The following RALYL variants were observed in gnomAD, a reference collection of about 807,000 sequenced individuals.
RALYL encodes the protein RALY RNA binding protein like, also known as RNA-binding Raly-like protein.
Under a neutral mutation model 35.1 loss-of-function variants are expected in RALYL, and 29 were observed. That is an observed-to-expected ratio of 0.83 (90% CI 0.61 to 1.13). The LOEUF is 1.13. Among genes scored for constraint, RALYL ranks in the 50% most tolerant of loss-of-function variants. The pLI is 0.00. For synonymous variants in RALYL, 120 were observed against 127.6 expected (o/e 0.94, Z 0.40); for missense variants, 359 against 360.4 (o/e 1.00, Z 0.03).
chr8:84,842,815 T>C (rs1833731330), intron 4 of RALYL, among the ~76,000 whole-genome samples: 1 of 152,218 alleles, frequency 6.6e-6, no homozygotes, highest in East Asian at 1.9e-4. Context: ...TGGTTCAACA[T>C]AAGCAAATCA....
At chr8:84,744,035 A>G (rs970366814) in intron 2 of RALYL, among the ~76,000 whole-genome samples, 1 of 152,022 alleles carries the variant, frequency 6.6e-6, no homozygotes, top group Non-Finnish European at 1.5e-5. Context: ...TTGCACAGCA[A>G]TGTGTATCCA....
intron 1 of RALYL, among the ~76,000 whole-genome samples, chr8:84,301,315 AT>A (rs1428565207): frequency 2.0e-5 from 3 of 151,148 alleles, no homozygotes; most frequent in Middle Eastern, 3.2e-3. Context: ...CTTAAAAAAA[AT>A]TTTTTTTTAC....
intron 1 of RALYL, among the ~76,000 whole-genome samples, chr8:84,223,195 C>G (rs867800859): frequency 4.0e-5 from 4 of 99,426 alleles, no homozygotes; most frequent in Non-Finnish European, 6.1e-5. Flanking sequence ...CTTCCCTTCC[C>G]TTCCCTTCCA....
At chr8:84,879,980 A>T (rs1233841087) in intron 7 of RALYL, among the ~76,000 whole-genome samples, 1 of 152,110 alleles carries the variant, frequency 6.6e-6, no homozygotes, top group African/African-American at 2.4e-5. Flanking sequence ...AATTTTTTGA[A>T]TTCTAGAATG....
Position 84,450,824 on chromosome 8 carries a change from T to A in RALYL, c.-23-78475T>A, listed in dbSNP as rs187105890. Among the ~76,000 whole-genome samples, 62 of 152,108 alleles carry A rather than the reference T, an allele frequency of 4.1e-4. 1 individual carries two copies. Among genetic ancestry groups the A allele is most frequent in the Middle Eastern group, 3.4e-3 (1 of 294 alleles). On this transcript the variant is annotated intron_variant, in intron 1 of 8. Coordinates refer to ENST00000521268, the MANE Select transcript of RALYL (RefSeq NM_173848.7). ...AAAGGGGTGAAATTTTCAAAAAGAT[T>A]CCATCAAATTACTCAATATAACAGT...
At chr8:84,791,789 TA>T (rs1054271905) in intron 3 of RALYL, among the ~76,000 whole-genome samples, 4 of 151,496 alleles carry the variant, frequency 2.6e-5, no homozygotes, top group South Asian at 2.1e-4. Context: ...TTTATTAACT[TA>T]AAAAAAAACA....
chr8:84,226,718 G>A (rs1823970553), intron 1 of RALYL, among the ~76,000 whole-genome samples: 1 of 152,182 alleles, frequency 6.6e-6, no homozygotes, highest in Admixed American at 6.5e-5. Flanking sequence ...CAGTAGTAGA[G>A]TGTGTTTGAA....
intron 2 of RALYL, among the ~76,000 whole-genome samples, chr8:84,633,937 G>T (rs1824477341): frequency 6.6e-6 from 1 of 151,754 alleles, no homozygotes. Context: ...CGAAATTACA[G>T]GTTTGTACCT....
chr8:84,507,419 A>G (rs2057266685), intron 1 of RALYL, among the ~76,000 whole-genome samples: 1 of 152,108 alleles, frequency 6.6e-6, no homozygotes, highest in Non-Finnish European at 1.5e-5. Context: ...AAAGTAAGAC[A>G]ACGCCCAGAA....
Position 84,446,520 on chromosome 8 carries a change from G to A in RALYL, c.-23-82779G>A, listed in dbSNP as rs117463505. ...GCTGTCTCATGGACCATCTGTATGG[G>A]ATTGGGCAAGTCATGTTTCTTCCTG... On this transcript the variant is annotated intron_variant, in intron 1 of 8. Transcript: ENST00000521268. Among the ~76,000 whole-genome samples, 979 of 152,168 alleles carry A rather than the reference G, an allele frequency of 6.4e-3. 1 individual carries two copies. The highest frequency in any genetic ancestry group is 0.012 in the Non-Finnish European group (826 of 67,990).
At chr8:84,452,282 T>G (rs1042846353) in intron 1 of RALYL, among the ~76,000 whole-genome samples, 1 of 149,710 alleles carries the variant, frequency 6.7e-6, no homozygotes, top group Non-Finnish European at 1.5e-5. Flanking sequence ...CACAAAGTTA[T>G]GTGCTGTCAG....
intron 4 of RALYL, among the ~76,000 whole-genome samples, chr8:84,843,512 G>A (rs1180898396): frequency 6.6e-6 from 1 of 152,160 alleles, no homozygotes; most frequent in African/African-American, 2.4e-5. Flanking sequence ...TGGGTAGGAA[G>A]AATCAATATC....
chr8:84,233,707 T>C (rs1825870582), intron 1 of RALYL, among the ~76,000 whole-genome samples: 1 of 152,208 alleles, frequency 6.6e-6, no homozygotes, highest in Non-Finnish European at 1.5e-5. Flanking sequence ...GCCTCCATTC[T>C]TTTTCCTTCA....
At chr8:84,387,020 G>A (rs192566445) in intron 1 of RALYL, among the ~76,000 whole-genome samples, 224 of 151,980 alleles carry the variant, frequency 1.5e-3, no homozygotes, top group Admixed American at 6.0e-3. Flanking sequence ...GATAAGGCTT[G>A]TGAGGGTAGA....
At chr8:84,674,963 C>T (rs924841312) in intron 2 of RALYL, among the ~76,000 whole-genome samples, 1 of 150,740 alleles carries the variant, frequency 6.6e-6, no homozygotes, top group Non-Finnish European at 1.5e-5. Flanking sequence ...AAGATATATG[C>T]CAATAGTGCA....
intron 4 of RALYL, among the ~76,000 whole-genome samples, chr8:84,816,791 G>A (rs1047631657): frequency 1.3e-5 from 2 of 152,082 alleles, no homozygotes; most frequent in Non-Finnish European, 2.9e-5. Context: ...AACACAAAGC[G>A]TAAATGCTTG....
intron 2 of RALYL, among the ~76,000 whole-genome samples, chr8:84,714,860 C>T (rs1427264896): frequency 1.3e-5 from 2 of 151,874 alleles, no homozygotes; most frequent in African/African-American, 2.4e-5. Context: ...AAGCATAGGG[C>T]TGTTACAGTT....
chr8:84,543,662 A>G (rs1379925459), intron 2 of RALYL, among the ~76,000 whole-genome samples: 4 of 152,000 alleles, frequency 2.6e-5, no homozygotes, highest in Non-Finnish European at 5.9e-5. Flanking sequence ...AATTATTATG[A>G]CTTTGGCTTT....
chr8:84,602,911 A>G (rs1816284733), intron 2 of RALYL, among the ~76,000 whole-genome samples: 1 of 152,080 alleles, frequency 6.6e-6, no homozygotes, highest in South Asian at 2.1e-4. Flanking sequence ...TTTATATTAC[A>G]TCATCTGTGA....
Sources: gnomAD v4.1 joint callset for allele counts (sites outside exome capture counted in the v4.1 genomes callset) on GRCh38, gnomAD v4.1.1 for gene constraint, MANE v1.5 for transcripts, NCBI Gene and HGNC (gene_info 2026-07-23, HGNC 2026-07-21) for gene names.